ZCCHC7: variants seen among roughly 807,000 people sequenced by gnomAD.
ZCCHC7 encodes zinc finger CCHC domain-containing protein 7.
A neutral mutation model predicts 52.0 loss-of-function variants in ZCCHC7; 35 were observed. The ratio of observed to expected loss-of-function variants is 0.67; its 90% CI spans 0.51 to 0.89. The LOEUF (loss-of-function observed/expected upper bound fraction) is 0.89. ZCCHC7 is among the 40% of genes least tolerant of loss of function. The pLI is 0.00. For synonymous variants in ZCCHC7, 217 were observed against 221.5 expected (o/e 0.98, Z 0.18); for missense variants, 574 against 649.1 (o/e 0.88, Z 1.26).
At chr9:37,139,996 T>G (rs1455491404) in intron 2 of ZCCHC7, among the ~76,000 whole-genome samples, 1 of 151,930 alleles carries the variant, frequency 6.6e-6, no homozygotes, top group Non-Finnish European at 1.5e-5. Context: ...ATATTGCTAA[T>G]GTAATACAAA....
intron 2 of ZCCHC7, among the ~76,000 whole-genome samples, chr9:37,146,921 A>C (rs370439507): frequency 6.6e-6 from 1 of 151,908 alleles, no homozygotes; most frequent in Admixed American, 6.6e-5. Context: ...TTTTAAAAAC[A>C]TAGGGAATAA....
In ZCCHC7 at chr9:37,126,323, C is replaced by T. The variant is rs1353092782; in HGVS notation, c.-10C>T. On this transcript the variant is annotated 5_prime_UTR_variant, in exon 2 of 9. Transcript: ENST00000336755. The stretch of plus-strand genomic sequence containing the variant: ...TTTCTCTTTTGCAGCTTCAAGGTTA[C>T]TGACTTTTTATGATGTTTGGTGGCT... The T allele has an allele frequency of 1.2e-6, 2 of 1,603,992 alleles. No individual in the cohort carries two copies. The highest frequency in any genetic ancestry group is 2.2e-5 in the South Asian group (2 of 89,526).
chr9:37,128,382 T>C (rs1480592251), intron 2 of ZCCHC7, among the ~76,000 whole-genome samples: 2 of 152,072 alleles, frequency 1.3e-5, no homozygotes, highest in African/African-American at 2.4e-5. Flanking sequence ...CGGGGGATAA[T>C]TGGAAGCTTA....
At chr9:37,225,447 A>T (rs1825045477) in intron 2 of ZCCHC7, among the ~76,000 whole-genome samples, 3 of 152,180 alleles carry the variant, frequency 2.0e-5, no homozygotes, top group Non-Finnish European at 2.9e-5. Flanking sequence ...TAATTTTATA[A>T]GATTTGTATT....
chr9:37,265,405 G>A (rs991009534), intron 2 of ZCCHC7, among the ~76,000 whole-genome samples: 2 of 152,144 alleles, frequency 1.3e-5, no homozygotes, highest in Non-Finnish European at 2.9e-5. Flanking sequence ...CAGAGATCAC[G>A]AAAGAAAGTT....
intron 2 of ZCCHC7, among the ~76,000 whole-genome samples, chr9:37,229,608 T>C (rs1351278932): frequency 6.6e-6 from 1 of 152,208 alleles, no homozygotes; most frequent in Non-Finnish European, 1.5e-5. Context: ...GGTATACTTG[T>C]ATAGAGCACT....
chr9:37,290,183 A>AT (rs1828466657), intron 2 of ZCCHC7, among the ~76,000 whole-genome samples: 1 of 152,230 alleles, frequency 6.6e-6, no homozygotes, highest in African/African-American at 2.4e-5. Context: ...GTATATCCCA[A>AT]GCATCTAGAA....
chr9:37,303,509 T>A (rs2133702098), intron 3 of ZCCHC7, among the ~76,000 whole-genome samples: 1 of 151,290 alleles, frequency 6.6e-6, no homozygotes, highest in East Asian at 1.9e-4. Flanking sequence ...TGCATGTCAG[T>A]ACCCCTGCTC....
At chr9:37,282,077 A>T (rs1484552711) in intron 2 of ZCCHC7, among the ~76,000 whole-genome samples, 1 of 152,176 alleles carries the variant, frequency 6.6e-6, no homozygotes, top group Admixed American at 6.5e-5. Context: ...CTTCAGAATC[A>T]GCTCCAGTCT....
chr9:37,212,255 C>G (rs1824281283), intron 2 of ZCCHC7, among the ~76,000 whole-genome samples: 1 of 151,340 alleles, frequency 6.6e-6, no homozygotes. Context: ...TTTTGTGGCC[C>G]AAAATGTCAG....
intron 2 of ZCCHC7, among the ~76,000 whole-genome samples, chr9:37,133,376 CTTTT>C (rs778044762): frequency 1.5e-5 from 2 of 134,540 alleles, no homozygotes; most frequent in Admixed American, 7.4e-5. Context: ...GGAATATTTT[CTTTT>C]TTTTTTTTTT....
At chr9:37,263,435 T>C (rs2133455901) in intron 2 of ZCCHC7, among the ~76,000 whole-genome samples, 1 of 152,272 alleles carries the variant, frequency 6.6e-6, no homozygotes, top group Non-Finnish European at 1.5e-5. Context: ...ACCTTGCTAC[T>C]AGTTGCTATT....
At chr9:37,222,634 A>G (rs1218372700) in intron 2 of ZCCHC7, among the ~76,000 whole-genome samples, 1 of 152,128 alleles carries the variant, frequency 6.6e-6, no homozygotes, top group East Asian at 1.9e-4. Flanking sequence ...TAGAAACTAT[A>G]GTTACCAATA....
intron 2 of ZCCHC7, among the ~76,000 whole-genome samples, chr9:37,175,609 C>T (rs1030796892): frequency 4.6e-5 from 7 of 151,876 alleles, no homozygotes; most frequent in African/African-American, 1.5e-4. Flanking sequence ...TGGTGGTGCT[C>T]GCCTGTAATC....
intron 2 of ZCCHC7, among the ~76,000 whole-genome samples, chr9:37,267,300 C>T (rs1231844564): frequency 1.3e-5 from 2 of 152,274 alleles, no homozygotes; most frequent in South Asian, 2.1e-4. Context: ...AATTCTCTGT[C>T]GCTTGTATTT....
intron 8 of ZCCHC7, among the ~76,000 whole-genome samples, chr9:37,355,270 A>G (rs1821626663): frequency 6.6e-6 from 1 of 152,228 alleles, no homozygotes; most frequent in African/African-American, 2.4e-5. Context: ...CTCCAAGTTC[A>G]CAACCACCTC....
At chr9:37,276,615 A>T (rs1253384899) in intron 2 of ZCCHC7, among the ~76,000 whole-genome samples, 1 of 152,132 alleles carries the variant, frequency 6.6e-6, no homozygotes, top group Non-Finnish European at 1.5e-5. Flanking sequence ...GCTCATTTTC[A>T]TACTGTCTTT....
At chr9:37,175,060 CG>C (rs1408170535) in intron 2 of ZCCHC7, among the ~76,000 whole-genome samples, 3 of 151,052 alleles carry the variant, frequency 2.0e-5, no homozygotes, top group Non-Finnish European at 2.9e-5. Context: ...TGCGTGAACC[CG>C]GGAGGTGGAT....
chr9:37,132,887 C>T (rs1842849209), intron 2 of ZCCHC7, among the ~76,000 whole-genome samples: 1 of 152,262 alleles, frequency 6.6e-6, no homozygotes, highest in East Asian at 1.9e-4. Context: ...GCCTGTAATC[C>T]CGGCACTTTG....
Sources: allele counts gnomAD v4.1 joint callset (sites outside exome capture counted in the v4.1 genomes callset), GRCh38; gene constraint gnomAD v4.1.1; transcripts MANE v1.5; gene names NCBI Gene and HGNC (gene_info 2026-07-23, HGNC 2026-07-21).